Variants in CACNG3 observed in about 807,000 individuals in gnomAD.
The protein encoded by CACNG3 is calcium voltage-gated channel auxiliary subunit gamma 3, also known as voltage-dependent calcium channel gamma-3 subunit.
In CACNG3, 3 loss-of-function variants were observed where a neutral mutation model predicts 28.5. That is an observed-to-expected ratio of 0.11 (90% CI 0.05 to 0.27). The LOEUF is 0.27. CACNG3 is among the 10% of genes least tolerant of loss of function. The pLI is 1.00. For missense variants in CACNG3, 236 were observed against 414.4 expected (o/e 0.57, Z 3.74); for synonymous variants, 174 against 162.2 (o/e 1.07, Z -0.55).
chr16:24,329,979 G>A (rs566337317), intron 1 of CACNG3, among the ~76,000 whole-genome samples: 35 of 152,204 alleles, frequency 2.3e-4, no homozygotes, highest in Non-Finnish European at 4.6e-4. Context: ...GGAGGTTGCA[G>A]TGAGCTGAGA....
intron 1 of CACNG3, among the ~76,000 whole-genome samples, chr16:24,300,855 C>T (rs116044300): frequency 0.019 from 2,947 of 152,088 alleles, 106 homozygotes; most frequent in African/African-American, 0.067. Context: ...AGTTTGACAC[C>T]AGCTTGGCCA....
intron 1 of CACNG3, among the ~76,000 whole-genome samples, chr16:24,267,645 G>T (rs1312523525): frequency 4.0e-5 from 6 of 151,834 alleles, no homozygotes; most frequent in Non-Finnish European, 5.9e-5. Context: ...GCCTAGCAAT[G>T]ATTATTGTGG....
At chr16:24,353,529 A>G (rs772260133) in intron 2 of CACNG3, among the ~76,000 whole-genome samples, 10 of 152,148 alleles carry the variant, frequency 6.6e-5, no homozygotes, top group Admixed American at 2.0e-4. Flanking sequence ...CATGATCCAG[A>G]AAATATTTAA....
At chr16:24,299,628 T>C (rs1052191604) in intron 1 of CACNG3, among the ~76,000 whole-genome samples, 30 of 152,240 alleles carry the variant, frequency 2.0e-4, no homozygotes, top group Admixed American at 3.3e-4. Flanking sequence ...AATAGACACA[T>C]TCATAACTAT....
chr16:24,257,463 A>G (rs749024956), intron 1 of CACNG3, among the ~76,000 whole-genome samples: 5 of 134,694 alleles, frequency 3.7e-5, no homozygotes, highest in Non-Finnish European at 6.2e-5. Flanking sequence ...GAGCTATTTC[A>G]TTATTTCTCA....
At chr16:24,352,270 A>T (rs886873613) in intron 2 of CACNG3, among the ~76,000 whole-genome samples, 1 of 152,116 alleles carries the variant, frequency 6.6e-6, no homozygotes, top group African/African-American at 2.4e-5. Context: ...ATGTGAACTA[A>T]GCTTTGAACC....
intron 1 of CACNG3, among the ~76,000 whole-genome samples, chr16:24,339,631 C>T (rs1430357406): frequency 6.6e-6 from 1 of 152,190 alleles, no homozygotes. Context: ...GGTGATCCAC[C>T]GGCCTCAGCC....
chr16:24,338,967 C>T (rs745797104), intron 1 of CACNG3, among the ~76,000 whole-genome samples: 27 of 152,168 alleles, frequency 1.8e-4, no homozygotes, highest in Non-Finnish European at 3.8e-4. Flanking sequence ...TTGAGAAACA[C>T]GCCTCCCTTC....
chr16:24,288,945 T>G (rs995255232), intron 1 of CACNG3, among the ~76,000 whole-genome samples: 1 of 152,090 alleles, frequency 6.6e-6, no homozygotes, highest in Admixed American at 6.6e-5. Context: ...CTGAAGGGTA[T>G]GGTGACTTTT....
intron 1 of CACNG3, among the ~76,000 whole-genome samples, chr16:24,296,647 C>T (rs929307572): frequency 6.6e-6 from 1 of 152,140 alleles, no homozygotes; most frequent in Non-Finnish European, 1.5e-5. Context: ...AATTAACCCT[C>T]TTCATTCTTT....
At chr16:24,298,365 G>C (rs536084030) in intron 1 of CACNG3, among the ~76,000 whole-genome samples, 31 of 152,116 alleles carry the variant, frequency 2.0e-4, no homozygotes, top group Middle Eastern at 3.4e-3. Flanking sequence ...CCCAGTTATT[G>C]GGTATTTAGT....
intron 1 of CACNG3, among the ~76,000 whole-genome samples, chr16:24,287,655 C>CTTCTGT (rs1193481877): frequency 1.3e-5 from 2 of 152,036 alleles, no homozygotes; most frequent in Admixed American, 1.3e-4. Context: ...TCCCTGGCAA[C>CTTCTGT]AGAACCATCC....
Position 24,346,828 on chromosome 16 carries a change from C to T in CACNG3, c.295+11C>T, listed in dbSNP as rs371386260. 32 of 1,609,388 alleles carry T rather than the reference C, an allele frequency of 2.0e-5. No homozygotes were observed. Among genetic ancestry groups the T allele is most frequent in the South Asian group, 4.4e-5 (4 of 90,958 alleles). On this transcript the variant is annotated intron_variant, in intron 2 of 3. Transcript: ENST00000005284. The stretch of plus-strand genomic sequence containing the variant: ...CCGAATATCTCCTGCGTAAGTTCCC[C>T]GGCTTCTCGGGTCTCTCTGGGAGGA...
At chr16:24,299,098 G>A (rs1223736869) in intron 1 of CACNG3, among the ~76,000 whole-genome samples, 1 of 152,066 alleles carries the variant, frequency 6.6e-6, no homozygotes, top group East Asian at 1.9e-4. Context: ...ATTATGCACA[G>A]CCCACACTTA....
Position 24,256,694 on chromosome 16 carries a change from T to C in CACNG3, c.-61T>C. 3.5e-6 allele frequency: 4 copies of C among 1,132,794 alleles called. No individual in the cohort carries two copies. The Admixed American group carries it at 6.8e-5, about 19-fold the overall frequency. 70.2% of individuals were successfully genotyped at this position (1,132,794 alleles called of 1,614,324 possible). ...AGGTTACCCGGCTGCAGAGTGATTTTCCCCTCCGGCACTGACTCTCCCCCT... is the reference window on the plus strand; with the variant it reads ...AGGTTACCCGGCTGCAGAGTGATTTCCCCCTCCGGCACTGACTCTCCCCCT... On this transcript the variant is annotated 5_prime_UTR_variant, in exon 1 of 4. Coordinates refer to ENST00000005284, the MANE Select transcript of CACNG3 (RefSeq NM_006539.4). This position sits in a 1 kb window ranked among gnomAD's most constrained non-coding sequence, Gnocchi z 4.6.
intron 1 of CACNG3, among the ~76,000 whole-genome samples, chr16:24,300,230 G>T (rs1899087179): frequency 6.6e-6 from 1 of 152,182 alleles, no homozygotes; most frequent in African/African-American, 2.4e-5. Flanking sequence ...CCCAGATAAA[G>T]AGTTAGTCTT....
intron 1 of CACNG3, among the ~76,000 whole-genome samples, chr16:24,301,348 T>C (rs1380575679): frequency 3.3e-5 from 5 of 152,202 alleles, no homozygotes; most frequent in Non-Finnish European, 4.4e-5. Flanking sequence ...TTTCATTTTT[T>C]TCCTGAGCTG....
intron 1 of CACNG3, among the ~76,000 whole-genome samples, chr16:24,267,572 ACCACCGTGCC>A (rs1161416944): frequency 6.6e-6 from 1 of 152,030 alleles, no homozygotes; most frequent in East Asian, 1.9e-4. Context: ...ACAGGTTTAA[ACCACCGTGCC>A]CCACCTAGAA....
chr16:24,267,288 A>C (rs1181292736), intron 1 of CACNG3, among the ~76,000 whole-genome samples: 1 of 151,850 alleles, frequency 6.6e-6, no homozygotes, highest in Non-Finnish European at 1.5e-5. Context: ...CTTAATTTTT[A>C]CTTTCTAAAA....
Sources: allele counts gnomAD v4.1 joint callset (sites outside exome capture counted in the v4.1 genomes callset), GRCh38; gene constraint gnomAD v4.1.1; non-coding constraint Gnocchi (gnomAD v3.1); transcripts MANE v1.5; gene names NCBI Gene and HGNC (gene_info 2026-07-23, HGNC 2026-07-21).